Variants in SESN1 observed in about 807,000 individuals in gnomAD.
The protein encoded by SESN1 is sestrin 1, also known as sestrin-1.
A neutral mutation model predicts 59.3 loss-of-function variants in SESN1; 30 were observed. The ratio of observed to expected loss-of-function variants is 0.51; its 90% CI spans 0.38 to 0.69. The LOEUF is 0.69. SESN1 is among the 30% of genes least tolerant of loss of function. The probability of loss-of-function intolerance (pLI) is 0.00; values close to 1 mark genes in which losing one functional copy is unlikely to be tolerated. For synonymous variants in SESN1, 197 were observed against 219.9 expected, an observed-to-expected ratio of 0.90 and a Z score of 0.92; for missense variants, 566 against 673.0, an observed-to-expected ratio of 0.84 and a Z score of 1.76.
chr6:109,016,955 TTA>T (rs1419329366), intron 1 of SESN1, among the ~76,000 whole-genome samples: 1 of 152,116 alleles, frequency 6.6e-6, no homozygotes, highest in African/African-American at 2.4e-5. Flanking sequence ...TCTTAATTTG[TTA>T]TGAGTCTAAT....
At chr6:109,087,131 AAAAT>A in intron 1 of SESN1, among the ~76,000 whole-genome samples, 1 of 152,366 alleles carries the variant, frequency 6.6e-6, no homozygotes, top group Admixed American at 6.5e-5. Flanking sequence ...ACAGCATCTC[AAAAT>A]AAATAAATAA....
intron 1 of SESN1, among the ~76,000 whole-genome samples, chr6:109,031,114 A>G (rs1421982196): frequency 6.6e-6 from 1 of 152,242 alleles, no homozygotes; most frequent in Non-Finnish European, 1.5e-5. Context: ...AAAGATGGGT[A>G]AAGGGGAATG....
intron 1 of SESN1, among the ~76,000 whole-genome samples, chr6:109,004,290 TA>T (rs1210543836): frequency 1.3e-5 from 2 of 152,074 alleles, no homozygotes; most frequent in African/African-American, 4.8e-5. Flanking sequence ...TTTAATGACA[TA>T]AAAATAAAGA....
Position 108,997,344 on chromosome 6 carries a change from G to C in SESN1, c.972+1169C>G, listed in dbSNP as rs546078969. Among the ~76,000 whole-genome samples the C allele has an allele frequency of 1.4e-3, 218 of 152,298 alleles. 1 individual carries two copies. Among genetic ancestry groups the C allele is most frequent in the African/African-American group, 5.0e-3 (207 of 41,562 alleles). The stretch of plus-strand genomic sequence containing the variant: ...TCCATCTCCTAGCATTCTAGCAACT[G>C]AATACTCTCTTGGATCCTCTTCTGA... On this transcript the variant is annotated intron_variant, in intron 5 of 9. Transcript: ENST00000436639.
At chr6:109,017,581 G>A (rs1009653140) in intron 1 of SESN1, among the ~76,000 whole-genome samples, 20 of 152,038 alleles carry the variant, frequency 1.3e-4, no homozygotes, top group African/African-American at 3.9e-4. Flanking sequence ...CACCGCGCCC[G>A]GCCCAAATAT....
intron 5 of SESN1, among the ~76,000 whole-genome samples, chr6:108,997,205 G>T (rs2114290925): frequency 6.6e-6 from 1 of 152,270 alleles, no homozygotes; most frequent in South Asian, 2.1e-4. Flanking sequence ...GCTTATTAGA[G>T]AAATAAAAAT....
At chr6:108,999,765 C>G (rs1779575298) in intron 4 of SESN1, among the ~76,000 whole-genome samples, 1 of 152,094 alleles carries the variant, frequency 6.6e-6, no homozygotes, top group South Asian at 2.1e-4. Flanking sequence ...AAATCGCACA[C>G]CTAATTATTT....
intron 1 of SESN1, among the ~76,000 whole-genome samples, chr6:109,017,089 T>C (rs536681609): frequency 6.6e-6 from 1 of 152,262 alleles, no homozygotes; most frequent in East Asian, 1.9e-4. Flanking sequence ...GAAAGTTATA[T>C]TGTGAAGGTG....
At chr6:109,046,234 CAGGCA>C (rs1395607299) in intron 1 of SESN1, among the ~76,000 whole-genome samples, 2 of 149,852 alleles carry the variant, frequency 1.3e-5, no homozygotes, top group Non-Finnish European at 3.0e-5. Context: ...CCTGCGATTG[CAGGCA>C]CGCGCCGCCA....
chr6:109,006,072 T>TAGCAGC, intron 1 of SESN1, among the ~76,000 whole-genome samples: 1 of 152,240 alleles, frequency 6.6e-6, no homozygotes, highest in African/African-American at 2.4e-5. Flanking sequence ...TAAATAGCAA[T>TAGCAGC]AGCAGCAGCA....
chr6:109,066,294 C>T (rs1327669821), intron 1 of SESN1, among the ~76,000 whole-genome samples: 1 of 151,308 alleles, frequency 6.6e-6, no homozygotes, highest in Non-Finnish European at 1.5e-5. Context: ...ATTTTTAAAT[C>T]ACGAAGGTTT....
intron 1 of SESN1, among the ~76,000 whole-genome samples, chr6:109,032,059 C>T (rs751562036): frequency 4.6e-5 from 7 of 152,076 alleles, no homozygotes; most frequent in Non-Finnish European, 8.8e-5. Flanking sequence ...CACCTGAGGT[C>T]GAGAGTTTGA....
At chr6:109,090,923 C>T (rs1781307323) in intron 1 of SESN1, among the ~76,000 whole-genome samples, 1 of 152,162 alleles carries the variant, frequency 6.6e-6, no homozygotes, top group African/African-American at 2.4e-5. Flanking sequence ...GTGTGCTCCA[C>T]TGCACCCAGC....
chr6:109,092,972 T>A (rs1781351101), intron 1 of SESN1, among the ~76,000 whole-genome samples: 1 of 152,196 alleles, frequency 6.6e-6, no homozygotes, highest in Admixed American at 6.5e-5. Flanking sequence ...TACAGGACTT[T>A]GGACAACACA....
rs1779357785 is a variant in SESN1, at chr6:108,990,763, C to G, written c.1306G>C (p.Glu436Gln). The change falls in exon 8 of 10, where the codon GAA becomes CAA. Residue 436 changes from glutamate (E) to glutamine (Q), a missense_variant. Coordinates refer to ENST00000436639, the MANE Select transcript of SESN1 (RefSeq NM_014454.3). The stretch of plus-strand genomic sequence containing the variant: ...AGATTGTAAGCAATGTGAAATTTTT[C>G]ATCAATCAACTGTCCCACATCTGGA... ...LYPDVGQLID[E>Q]KFHIAYNLTY... 5 of 1,614,088 alleles carry G rather than the reference C, an allele frequency of 3.1e-6. No homozygotes were observed. The East Asian group carries it at 1.1e-4, about 36-fold the overall frequency.
intron 1 of SESN1, among the ~76,000 whole-genome samples, chr6:109,036,877 G>C (rs1027121121): frequency 1.3e-5 from 2 of 152,140 alleles, no homozygotes; most frequent in African/African-American, 4.8e-5. Flanking sequence ...TAATAAAACA[G>C]TCGTAAATCT....
chr6:109,032,656 A>G (rs962319747), intron 1 of SESN1, among the ~76,000 whole-genome samples: 3 of 152,068 alleles, frequency 2.0e-5, no homozygotes, highest in Admixed American at 6.6e-5. Context: ...GTAAGAAGAC[A>G]GATACATATA....
At position 108,986,027 on chromosome 6, in the gene SESN1, G is replaced by A. The variant is rs1779175571; in HGVS notation, c.*1517C>T. ...TCCACACTACCCCATACATTTGTAG[G>A]CAGGCACTAGATTGAGCTCAATAAA... On this transcript the variant is annotated 3_prime_UTR_variant, in exon 10 of 10. Coordinates refer to ENST00000436639, the MANE Select transcript of SESN1 (RefSeq NM_014454.3). 6.6e-6 allele frequency among the ~76,000 whole-genome samples: 1 copy of A among 151,990 alleles called. No homozygotes were observed. Among genetic ancestry groups the A allele is most frequent in the Admixed American group, 6.6e-5 (1 of 15,262 alleles).
Position 108,984,861 on chromosome 6 carries a change from C to T in SESN1, c.*2683G>A, listed in dbSNP as rs28405614. On this transcript the variant is annotated 3_prime_UTR_variant, in exon 10 of 10. Transcript: ENST00000436639. ...CACAAACTTTCCTAGCCTTTTGGTG[C>T]GGCCTTTTCCTGGCTTTGCATTTGC... Among the ~76,000 whole-genome samples, 26 of 152,188 alleles carry T rather than the reference C, an allele frequency of 1.7e-4. No individual in the cohort carries two copies. The East Asian group carries it at 2.1e-3, about 12-fold the overall frequency.
Sources: allele counts gnomAD v4.1 joint callset (sites outside exome capture counted in the v4.1 genomes callset), GRCh38; gene constraint gnomAD v4.1.1; transcripts MANE v1.5; gene names NCBI Gene and HGNC (gene_info 2026-07-23, HGNC 2026-07-21).